SASS6: variants seen among roughly 807,000 people sequenced by gnomAD.
The protein encoded by SASS6 is spindle assembly abnormal protein 6 homolog.
A neutral mutation model predicts 94.9 loss-of-function variants in SASS6; 59 were observed. The ratio of observed to expected loss-of-function variants is 0.62; its 90% CI spans 0.50 to 0.77. The LOEUF is 0.77. Ranked by LOEUF, SASS6 falls within the 30% of genes least tolerant of loss-of-function variation. The pLI is 0.00. For missense variants in SASS6, 698 were observed against 734.1 expected (o/e 0.95, Z 0.57); for synonymous variants, 264 against 270.0 (o/e 0.98, Z 0.22).
rs1267289215 is a variant in SASS6 at position 100,120,405 on chromosome 1, A to C, written c.538T>G (p.Phe180Val). Residue 180 changes from phenylalanine (F) to valine (V), a missense_variant, in exon 6 of 17, where the codon TTT becomes GTT. By Grantham distance (50) the Phe-to-Val change is conservative (BLOSUM62 -1). Coordinates refer to ENST00000287482, the MANE Select transcript of SASS6 (RefSeq NM_194292.3). ...GAAATTTGAATTACCTTTCGTGTAA[A>C]GTCCAGTTGCTTAGTAGCATCATCT... ...SLDDATKQLD[F>V]TRKTLAEKKQ... The C allele has an allele frequency of 1.2e-5, 18 of 1,517,124 alleles. No homozygotes were observed. Among genetic ancestry groups the C allele is most frequent in the Non-Finnish European group, 1.6e-5 (18 of 1,093,532 alleles). 94.0% of individuals were successfully genotyped at this position (1,517,124 alleles called of 1,614,324 possible).
chr1:100,116,187 T>A (rs1482668710), intron 7 of SASS6, among the ~76,000 whole-genome samples: 1 of 152,148 alleles, frequency 6.6e-6, no homozygotes, highest in Admixed American at 6.6e-5. Context: ...ATCCTTAATT[T>A]ATACCAATAA....
chr1:100,107,738 A>G (rs926357810), intron 9 of SASS6, 21 bp from the exon 10 acceptor site: 1 of 1,562,300 alleles, frequency 6.4e-7, no homozygotes, highest in Non-Finnish European at 8.8e-7. Context: ...TTTTAAAAAC[A>G]TGAATAATTA....
intron 7 of SASS6, among the ~76,000 whole-genome samples, chr1:100,114,505 G>A (rs1010921210): frequency 6.6e-6 from 1 of 150,916 alleles, no homozygotes; most frequent in Admixed American, 6.6e-5. Flanking sequence ...CCAACATAGT[G>A]AGACTCCATC....
At position 100,128,337 on chromosome 1, in the gene SASS6, G is replaced by A. The variant is rs566430973; in HGVS notation, c.66-2395C>T. On this transcript the variant is annotated intron_variant, in intron 1 of 16. Transcript: ENST00000287482. The stretch of plus-strand genomic sequence containing the variant: ...CAGGCGTGGGCCACTGCACCTAGAC[G>A]GTGTTTTACGGTTTTAAAAGTCCTG... Among the ~76,000 whole-genome samples, 3 of 152,034 alleles carry A rather than the reference G, an allele frequency of 2.0e-5. No homozygotes were observed. In the East Asian group the frequency reaches 5.8e-4, roughly 29 times the overall value.
At chr1:100,096,567 T>C (rs1652124182) in intron 14 of SASS6, among the ~76,000 whole-genome samples, 1 of 152,202 alleles carries the variant, frequency 6.6e-6, no homozygotes, top group Non-Finnish European at 1.5e-5. Flanking sequence ...AAAACTTTTG[T>C]ATTTCAAAAG....
At chr1:100,092,007 CAAAAAA>C (rs34503110) in intron 14 of SASS6, among the ~76,000 whole-genome samples, 24 of 50,022 alleles carry the variant, frequency 4.8e-4, no homozygotes, top group African/African-American at 1.9e-3. Context: ...GACCCTGTCT[CAAAAAA>C]AAAAAAAAAA....
rs200496406 is a variant in SASS6 at position 100,107,692 on chromosome 1, T to A, written c.1082A>T (p.Lys361Ile). ...AAGCTTTCCTAGTTGTACTTGATTT[T>A]TCTCACCATTTTCTTCTAAAACCAC... ...QKVVLEENGE[K>I]NQVQLGKLEA... The change falls in exon 10 of 17, where the codon AAA becomes ATA. Residue 361 changes from lysine (K) to isoleucine (I), a missense_variant. Lys to Ile is a moderately radical substitution (Grantham distance 102). Transcript: ENST00000287482. 4.3e-5 allele frequency: 69 copies of A among 1,604,624 alleles called. No homozygotes were observed. The highest frequency in any genetic ancestry group is 3.7e-5 in the Non-Finnish European group (43 of 1,174,448).
intron 15 of SASS6, among the ~76,000 whole-genome samples, chr1:100,086,716 T>C (rs1470290233): frequency 1.3e-5 from 2 of 151,910 alleles, no homozygotes; most frequent in Non-Finnish European, 2.9e-5. Context: ...GGCCCCACTC[T>C]ATCACCCAGG....
intron 8 of SASS6, among the ~76,000 whole-genome samples, chr1:100,108,916 G>T (rs575790663): frequency 1.6e-4 from 25 of 151,900 alleles, no homozygotes; most frequent in African/African-American, 5.5e-4. Context: ...GGTAGCAATT[G>T]TTATTTTTAG....
intron 14 of SASS6, among the ~76,000 whole-genome samples, chr1:100,094,103 A>G (rs986695980): frequency 1.3e-5 from 2 of 152,228 alleles, no homozygotes; most frequent in African/African-American, 4.8e-5. Context: ...GGCAAAAATC[A>G]CCATTATAAG....
Position 100,119,560 on chromosome 1 carries a change from C to T in SASS6, c.550-423G>A, listed in dbSNP as rs75502671. 3.9e-3 allele frequency among the ~76,000 whole-genome samples: 587 copies of T among 152,320 alleles called. 4 individuals carry two copies. Among genetic ancestry groups the T allele is most frequent in the South Asian group, 0.017 (83 of 4,828 alleles). On this transcript the variant is annotated intron_variant, in intron 6 of 16. Transcript: ENST00000287482. ...ATACCGATATAGTTAGGATGTCTGT[C>T]CCCTCCAAGTCTCATGTTCAAATGT...
intron 8 of SASS6, among the ~76,000 whole-genome samples, chr1:100,109,236 A>G (rs1385894522): frequency 6.6e-6 from 1 of 152,070 alleles, no homozygotes; most frequent in East Asian, 1.9e-4. Context: ...ATTGGGGCAA[A>G]ACAATATGAG....
intron 13 of SASS6, among the ~76,000 whole-genome samples, chr1:100,105,354 T>TTTA (rs1299315659): frequency 6.6e-6 from 1 of 152,026 alleles, no homozygotes; most frequent in Non-Finnish European, 1.5e-5. Flanking sequence ...GGGTGAAATC[T>TTTA]GTTTCTACTA....
intron 8 of SASS6, among the ~76,000 whole-genome samples, chr1:100,109,446 A>C (rs147675654): frequency 2.6e-5 from 4 of 152,228 alleles, no homozygotes; most frequent in Admixed American, 2.0e-4. Context: ...CCAAAGCAAC[A>C]ACAAATGTGG....
At chr1:100,088,766 T>C (rs72973310) in intron 14 of SASS6, among the ~76,000 whole-genome samples, 4,975 of 151,736 alleles carry the variant, frequency 0.033, 301 homozygotes, top group African/African-American at 0.11. Flanking sequence ...GCCCTGGAGT[T>C]TGGGGTTACA....
chr1:100,124,519 T>C (rs1228777121), intron 2 of SASS6, among the ~76,000 whole-genome samples: 4 of 152,214 alleles, frequency 2.6e-5, no homozygotes, highest in African/African-American at 4.8e-5. Flanking sequence ...TAGATGGAAC[T>C]ACAGGAGTGT....
At chr1:100,090,274 C>A (rs78012609) in intron 14 of SASS6, among the ~76,000 whole-genome samples, 3,716 of 151,906 alleles carry the variant, frequency 0.024, 89 homozygotes, top group African/African-American at 0.057. Context: ...AGAATGGATT[C>A]AAATGAGTCA....
At position 100,107,652 on chromosome 1, in the gene SASS6, T is replaced by G. The variant is rs1211252601; in HGVS notation, c.1122A>C (p.Lys374Asn). Reference protein sequence around the residue: ...VQLGKLEATIKSLSAELLKAN... With the variant: ...VQLGKLEATINSLSAELLKAN... ...CCTTCAGAAGTTCTGCAGATAATGATTTTATTGTAGCTTCAAGCTTTCCTA... is the reference window on the plus strand; with the variant it reads ...CCTTCAGAAGTTCTGCAGATAATGAGTTTATTGTAGCTTCAAGCTTTCCTA... Residue 374 changes from lysine to asparagine, a missense_variant, in exon 10 of 17, where the codon AAA (lysine) becomes AAC (asparagine). Lys to Asn is a moderately conservative substitution (Grantham distance 94). Transcript: ENST00000287482. The G allele has an allele frequency of 1.2e-6, 2 of 1,603,976 alleles. No individual in the cohort carries two copies. Among genetic ancestry groups the G allele is most frequent in the Non-Finnish European group, 1.7e-6 (2 of 1,175,032 alleles).
At chr1:100,121,166 G>A (rs555619284) in intron 5 of SASS6, among the ~76,000 whole-genome samples, 24 of 152,068 alleles carry the variant, frequency 1.6e-4, no homozygotes, top group Admixed American at 1.2e-3. Context: ...TCACACGATT[G>A]GTAAAAACCC....
Sources: gnomAD v4.1 joint callset for allele counts (sites outside exome capture counted in the v4.1 genomes callset) on GRCh38, gnomAD v4.1.1 for gene constraint, MANE v1.5 for transcripts, NCBI Gene and HGNC (gene_info 2026-07-23, HGNC 2026-07-21) for gene names.